Variants in ARID1B observed in about 807,000 individuals in gnomAD.
The protein encoded by ARID1B is AT-rich interaction domain 1B.
Under a neutral mutation model 212.3 loss-of-function variants are expected in ARID1B, and 30 were observed. The observed-to-expected ratio is 0.14, with a 90% CI of 0.11 to 0.19. ARID1B has a LOEUF of 0.19. Among genes scored for constraint, ARID1B ranks in the 10% least tolerant of loss-of-function variants. ARID1B has a pLI of 1.00. For synonymous variants in ARID1B, 1,402 were observed against 1,301.7 expected (o/e 1.08, Z -1.66); for missense variants, 2,891 against 3,204.0 (o/e 0.90, Z 2.36).
In ARID1B at chr6:156,901,471, A is replaced by G. The variant is rs756099753; in HGVS notation, c.2082A>G (p.Pro694=). ...YSQQPQPPHL[P]PQAQYLPSQS... The stretch of plus-strand genomic sequence containing the variant: ...AGCAGCCGCAGCCCCCGCACCTCCC[A>G]CCCCAGGCGCAGTATCTGCCGTCCC... Residue 694 remains proline (P), a synonymous_variant, in exon 3 of 20, where the codon CCA becomes CCG. Transcript: ENST00000636930. The G allele has an allele frequency of 6.2e-7, 1 of 1,613,614 alleles. No individual in the cohort carries two copies. The highest frequency in any genetic ancestry group is 1.1e-5 in the South Asian group (1 of 91,030).
Position 157,210,450 on chromosome 6 carries a change from T to C in ARID1B, c.*2559T>C. 4.3e-6 allele frequency: 1 copy of C among 231,596 alleles called. No homozygotes were observed. The highest frequency in any genetic ancestry group is 8.5e-6 in the Non-Finnish European group (1 of 117,244). 14.3% of individuals were successfully genotyped at this position (231,596 alleles called of 1,614,324 possible). On this transcript the variant is annotated 3_prime_UTR_variant, in exon 20 of 20. Transcript: ENST00000636930. Reference sequence around the variant, plus strand: ...TGCATTGTAACCGATACGCAGAGTCTGACCGTTGGGCAACAAGTTTTTCTA... The same window carrying C: ...TGCATTGTAACCGATACGCAGAGTCCGACCGTTGGGCAACAAGTTTTTCTA...
At chr6:156,796,370 T>C (rs891088444) in intron 1 of ARID1B, among the ~76,000 whole-genome samples, 17 of 151,960 alleles carry the variant, frequency 1.1e-4, no homozygotes, top group African/African-American at 2.4e-4. Flanking sequence ...TTTTTAGGCT[T>C]TTGCCATGTG....
chr6:156,812,978 ATGTATATACATACG>A (rs1781674527), intron 1 of ARID1B, among the ~76,000 whole-genome samples: 3 of 119,922 alleles, frequency 2.5e-5, no homozygotes, highest in South Asian at 2.6e-4. Context: ...GTGTGTGTGT[ATGTATATACATACG>A]TATGTATATA....
chr6:157,024,443 T>G (rs1780525277), intron 4 of ARID1B: 1 of 152,256 alleles, frequency 6.6e-6, no homozygotes, highest in South Asian at 2.1e-4. Context: ...GCTTACTTGG[T>G]GTAGATGTTT....
chr6:156,912,445 C>G (rs1789972509), intron 3 of ARID1B, among the ~76,000 whole-genome samples: 3 of 152,068 alleles, frequency 2.0e-5, no homozygotes, highest in Admixed American at 1.3e-4. Context: ...TTTGTGCCCA[C>G]TCCAGGTGAG....
chr6:157,031,916 C>T (rs1781038058), intron 4 of ARID1B, among the ~76,000 whole-genome samples: 1 of 152,112 alleles, frequency 6.6e-6, no homozygotes, highest in African/African-American at 2.4e-5. Context: ...TCAGCCTCAG[C>T]CTCCCAAGTA....
At position 157,148,961 on chromosome 6, in the gene ARID1B, C is replaced by G. The variant is rs775556138; in HGVS notation, c.3089+10C>G. 1 of 1,605,244 alleles carries G rather than the reference C, an allele frequency of 6.2e-7. No individual in the cohort carries two copies. The highest frequency in any genetic ancestry group is 8.5e-7 in the Non-Finnish European group (1 of 1,174,620). ...ACTCAGCACAAAGCAGGTACGCCACCCAGGAGCACGCCCCGGGCAGGTACG... is the reference window on the plus strand; with the variant it reads ...ACTCAGCACAAAGCAGGTACGCCACGCAGGAGCACGCCCCGGGCAGGTACG... On this transcript the variant is annotated intron_variant, in intron 8 of 19. Coordinates refer to ENST00000636930, the MANE Select transcript of ARID1B (RefSeq NM_001374828.1). This position sits in a 1 kb window ranked among gnomAD's most constrained non-coding sequence, Gnocchi z 5.6.
chr6:157,198,933 G>A (rs2128366947), intron 17 of ARID1B, 26 bp downstream of exon 17: 2 of 1,554,668 alleles, frequency 1.3e-6, no homozygotes, highest in Non-Finnish European at 1.8e-6. Context: ...GGCGTGGGGT[G>A]CTGTGTTTTC....
chr6:157,205,806 C>T (rs1166545075), intron 19 of ARID1B: 1 of 198,418 alleles, frequency 5.0e-6, no homozygotes, highest in Non-Finnish European at 1.0e-5. Flanking sequence ...TCCCACTCTT[C>T]TAATAATGAG....
At chr6:157,016,378 T>A (rs1779923017) in intron 4 of ARID1B, among the ~76,000 whole-genome samples, 1 of 152,188 alleles carries the variant, frequency 6.6e-6, no homozygotes, top group Non-Finnish European at 1.5e-5. Flanking sequence ...TGTGGCTACT[T>A]TACAAAGTGA....
chr6:157,167,144 C>T lies in ARID1B; in HGVS notation c.3194C>T (p.Pro1065Leu), dbSNP rs370190261. 3.6e-5 allele frequency: 58 copies of T among 1,610,670 alleles called. No individual in the cohort carries two copies. Among genetic ancestry groups the T allele is most frequent in the African/African-American group, 1.3e-4 (10 of 75,052 alleles). ...NSSSLMNTQA[P>L]PYSMAPAMVN... ...TCTAGCCTGATGAACACGCAGGCGC[C>T]GCCCTACAGCATGGCGCCCGCCATG... is the stretch of plus-strand genomic sequence containing the variant. Residue 1065 changes from proline to leucine, a missense_variant, in exon 9 of 20, where the codon CCG becomes CTG. Pro to Leu is a moderately conservative substitution (Grantham distance 98). This residue lies in a region of ARID1B where 1,643 missense variants were observed against 1,544.0 expected (regional missense o/e 1.06). Transcript: ENST00000636930.
rs141494660 is a variant in ARID1B at position 157,129,880 on chromosome 6, C to T, written c.2582-3148C>T. On this transcript the variant is annotated intron_variant, in intron 6 of 19. Coordinates refer to ENST00000636930, the MANE Select transcript of ARID1B (RefSeq NM_001374828.1). ...AGAGGCCACAAAAACTTAAGAGTAT[C>T]GTATACTGCTGGGCGCAGTGGTTTA... Among the ~76,000 whole-genome samples, 622 of 152,274 alleles carry T rather than the reference C, an allele frequency of 4.1e-3. 5 individuals carry two copies. The highest frequency in any genetic ancestry group is 6.8e-3 in the Middle Eastern group (2 of 294).
intron 3 of ARID1B, among the ~76,000 whole-genome samples, chr6:156,902,348 T>G (rs1789014426): frequency 6.6e-6 from 1 of 152,140 alleles, no homozygotes; most frequent in South Asian, 2.1e-4. Context: ...TCCTTCTCTT[T>G]TGTGTGGTGG....
chr6:157,146,905 G>A (rs796366534), intron 7 of ARID1B, among the ~76,000 whole-genome samples: 2 of 152,242 alleles, frequency 1.3e-5, no homozygotes, highest in East Asian at 3.9e-4. Context: ...ACATTTTATT[G>A]GTCAAATACA....
intron 4 of ARID1B, among the ~76,000 whole-genome samples, chr6:157,001,354 G>A (rs201821001): frequency 1.3e-5 from 2 of 152,120 alleles, no homozygotes; most frequent in African/African-American, 4.8e-5. Flanking sequence ...TCTCTGTCAC[G>A]TCCCCCTCAG....
At chr6:156,839,497 C>A (rs558734755) in intron 2 of ARID1B, among the ~76,000 whole-genome samples, 3 of 152,286 alleles carry the variant, frequency 2.0e-5, no homozygotes, top group African/African-American at 7.2e-5. Context: ...ACATTCAAAT[C>A]ACTGAGCAGT....
At chr6:157,167,588 T>C (rs2128292508) in intron 9 of ARID1B, 1 of 160,524 alleles carries the variant, frequency 6.2e-6, no homozygotes, top group African/African-American at 2.4e-5. Flanking sequence ...GCAAGGGGGG[T>C]TTGAAGTACT....
intron 4 of ARID1B, among the ~76,000 whole-genome samples, chr6:157,026,419 T>G (rs901816818): frequency 1.3e-5 from 2 of 152,230 alleles, no homozygotes; most frequent in African/African-American, 4.8e-5. Context: ...TTATTTAATG[T>G]CAAGATGTAC....
chr6:157,143,738 G>A (rs1052641995), intron 7 of ARID1B, among the ~76,000 whole-genome samples: 2 of 152,154 alleles, frequency 1.3e-5, no homozygotes, highest in South Asian at 2.1e-4. Context: ...CTTTTAAACC[G>A]TTTTAAGCCT....
Sources: allele counts gnomAD v4.1 joint callset (sites outside exome capture counted in the v4.1 genomes callset), GRCh38; gene constraint gnomAD v4.1.1; regional missense constraint gnomAD v4.1.1; non-coding constraint Gnocchi (gnomAD v3.1); transcripts MANE v1.5; gene names NCBI Gene and HGNC (gene_info 2026-07-23, HGNC 2026-07-21).